The following ZNF706 variants were observed in gnomAD, a reference collection of about 807,000 sequenced individuals.
ZNF706 encodes transcriptional regulator ZNF706.
In ZNF706, 4 loss-of-function variants were observed where a neutral mutation model predicts 9.2. The observed-to-expected ratio is 0.43, with a 90% confidence interval of 0.21 to 0.99. The LOEUF is 0.99. Among genes scored for constraint, ZNF706 ranks in the 50% least tolerant of loss-of-function variants. The probability of loss-of-function intolerance (pLI) is 0.26; values close to 1 mark genes in which losing one functional copy is unlikely to be tolerated. For synonymous variants in ZNF706, 28 were observed against 27.3 expected (o/e 1.03, Z -0.08); for missense variants, 27 against 87.8 (o/e 0.31, Z 2.77).
chr8:101,201,836 T>C lies in ZNF706; in HGVS notation c.-2-93A>G. 7.6e-7 allele frequency: 1 copy of C among 1,324,448 alleles called. No individual in the cohort carries two copies. Among genetic ancestry groups the C allele is most frequent in the Non-Finnish European group, 1.0e-6 (1 of 967,108 alleles). 82.0% of individuals were successfully genotyped at this position (1,324,448 alleles called of 1,614,324 possible). A position where few individuals can be genotyped will look rare whatever the true frequency, so the allele number is the denominator to read the frequency against. On this transcript the variant is annotated intron_variant, in intron 1 of 3. Coordinates refer to ENST00000311212, the MANE Select transcript of ZNF706 (RefSeq NM_016096.5). The surrounding 1 kb of genome is among the most constrained non-coding windows in gnomAD (Gnocchi z 4.5). ...ACGTTCTTAGAATTGAAGCCTTAAG[T>C]TTTATAGAAATATCTGGCAAATAAA... is the stretch of plus-strand genomic sequence containing the variant.
upstream of ZNF706, chr8:101,206,109 G>T (rs1810764387): frequency 6.6e-6 from 1 of 152,250 alleles, no homozygotes; most frequent in African/African-American, 2.4e-5. Context: ...CGACTGAGGC[G>T]CTGGCCCGGG....
rs193052064 is a variant in ZNF706, at chr8:101,199,967, C to A, written c.*12+23G>T. On this transcript the variant is annotated intron_variant, in intron 3 of 3. Coordinates refer to ENST00000311212, the MANE Select transcript of ZNF706 (RefSeq NM_016096.5). ...GTATACAACCCTGTTATTAACAAAC[C>A]AATAGAAAAAGAGGTGAGTTACCTG... is the stretch of plus-strand genomic sequence containing the variant. The A allele has an allele frequency of 3.6e-5, 56 of 1,537,650 alleles. No homozygotes were observed. The African/African-American group carries it at 6.1e-4, about 17-fold the overall frequency.
chr8:101,204,949 G>A, intron 1 of ZNF706: 2 of 985,466 alleles, frequency 2.0e-6, no homozygotes, highest in Non-Finnish European at 2.4e-6. Flanking sequence ...CGCACCCACA[G>A]TGAGGTCTCC....
intron 2 of ZNF706, chr8:101,200,908 T>C: frequency 5.1e-6 from 1 of 195,730 alleles, no homozygotes; most frequent in South Asian, 6.7e-5. Flanking sequence ...GGGTGGACTC[T>C]GGAGCTGAAC....
rs1413982688 is a variant in ZNF706, at chr8:101,203,764, C to G, written c.-3+1671G>C. On this transcript the variant is annotated intron_variant, in intron 1 of 3. Transcript: ENST00000311212. ...TCCCACCAAACAATGGTAAATATTACCAGCTGTTATCAGTCCTTGAAGACT... is the reference window on the plus strand; with the variant it reads ...TCCCACCAAACAATGGTAAATATTAGCAGCTGTTATCAGTCCTTGAAGACT... 2.0e-5 allele frequency: 3 copies of G among 152,260 alleles called. No individual in the cohort carries two copies. The East Asian group carries it at 5.8e-4, about 29-fold the overall frequency. 9.4% of individuals were successfully genotyped at this position (152,260 alleles called of 1,614,324 possible). A position where few individuals can be genotyped will look rare whatever the true frequency, so the allele number is the denominator to read the frequency against.
intron 1 of ZNF706, chr8:101,202,601 G>T (rs2129900111): frequency 1.3e-5 from 2 of 152,276 alleles, no homozygotes; most frequent in Middle Eastern, 3.4e-3. Flanking sequence ...AGTGAAAGGG[G>T]TCACCTTGGG....
Position 101,201,790 on chromosome 8 carries a change from C to T in ZNF706, c.-2-47G>A, listed in dbSNP as rs192451508. On this transcript the variant is annotated intron_variant, in intron 1 of 3. Transcript: ENST00000311212. This position sits in a 1 kb window ranked among gnomAD's most constrained non-coding sequence, Gnocchi z 4.5. Reference sequence around the variant, plus strand: ...TTAGAGTGGCTTATTTACTCTAATACAGAGTAATCAAAGCATAAGAACGTT... The same window carrying T: ...TTAGAGTGGCTTATTTACTCTAATATAGAGTAATCAAAGCATAAGAACGTT... 8 of 1,573,116 alleles carry T rather than the reference C, an allele frequency of 5.1e-6. No individual in the cohort carries two copies. The East Asian group carries it at 1.6e-4, about 31-fold the overall frequency.
intron 1 of ZNF706, chr8:101,204,131 A>C (rs535522008): frequency 1.3e-5 from 2 of 152,350 alleles, no homozygotes; most frequent in Admixed American, 6.5e-5. Flanking sequence ...AAAAATCTTC[A>C]AAAATGGTAA....
Position 101,201,430 on chromosome 8 carries a change from G to A in ZNF706, c.135+177C>T, listed in dbSNP as rs912443059. On this transcript the variant is annotated intron_variant, in intron 2 of 3. Coordinates refer to ENST00000311212, the MANE Select transcript of ZNF706 (RefSeq NM_016096.5). The surrounding 1 kb of genome is among the most constrained non-coding windows in gnomAD (Gnocchi z 4.5). ...CCTAGAGATTTTTGCCTGGCCACAG[G>A]AGCCATTCAAAAAATATTTGTTTAA... 78 of 602,800 alleles carry A rather than the reference G, an allele frequency of 1.3e-4. No homozygotes were observed. In the Middle Eastern group the frequency reaches 1.8e-3, roughly 14 times the overall value. 37.3% of individuals were successfully genotyped at this position (602,800 alleles called of 1,614,324 possible). A position where few individuals can be genotyped will look rare whatever the true frequency, so the allele number is the denominator to read the frequency against.
chr8:101,203,725 T>C (rs1363501045), intron 1 of ZNF706: 1 of 152,216 alleles, frequency 6.6e-6, no homozygotes, highest in Non-Finnish European at 1.5e-5. Context: ...GCTAGCCTAA[T>C]ATGAGAACCC....
rs1810465693 is a variant in ZNF706, at chr8:101,199,075, T to G, written c.*177A>C. Reference sequence around the variant, plus strand: ...TTCCAAATCAGAGTCAACTGTACATTTACACAGAATTGTCTTTGCATGAAG... The same window carrying G: ...TTCCAAATCAGAGTCAACTGTACATGTACACAGAATTGTCTTTGCATGAAG... On this transcript the variant is annotated 3_prime_UTR_variant, in exon 4 of 4. Coordinates refer to ENST00000311212, the MANE Select transcript of ZNF706 (RefSeq NM_016096.5). 1 of 501,522 alleles carries G rather than the reference T, an allele frequency of 2.0e-6. No homozygotes were observed. The highest frequency in any genetic ancestry group is 3.6e-6 in the Non-Finnish European group (1 of 281,522). 31.1% of individuals were successfully genotyped at this position (501,522 alleles called of 1,614,324 possible). A position where few individuals can be genotyped will look rare whatever the true frequency, so the allele number is the denominator to read the frequency against.
chr8:101,201,888 T>C lies in ZNF706; in HGVS notation c.-2-145A>G. 1 of 860,150 alleles carries C rather than the reference T, an allele frequency of 1.2e-6. No individual in the cohort carries two copies. 53.3% of individuals were successfully genotyped at this position (860,150 alleles called of 1,614,324 possible). On this transcript the variant is annotated intron_variant, in intron 1 of 3. Transcript: ENST00000311212. The surrounding 1 kb of genome is among the most constrained non-coding windows in gnomAD (Gnocchi z 4.5). ...ATTTATAGGTATTAAAATTCCCACA[T>C]ATAAATGCTACAAAAGTATCAATTG...
chr8:101,206,053 T>C (rs941484920), upstream of ZNF706: 1 of 151,420 alleles, frequency 6.6e-6, no homozygotes, highest in African/African-American at 2.4e-5. Context: ...CTTTTCCCGC[T>C]CCTCCCAGGC....
chr8:101,199,927 G>C, intron 3 of ZNF706, 63 bp downstream of exon 3: 1 of 1,064,750 alleles, frequency 9.4e-7, no homozygotes, highest in Non-Finnish European at 1.4e-6. Context: ...AATAAGTGAA[G>C]ACAGTTTTGG....
chr8:101,205,036 C>T lies in ZNF706; in HGVS notation c.-3+399G>A. On this transcript the variant is annotated intron_variant, in intron 1 of 3. Coordinates refer to ENST00000311212, the MANE Select transcript of ZNF706 (RefSeq NM_016096.5). This position sits in a 1 kb window ranked among gnomAD's most constrained non-coding sequence, Gnocchi z 6.6. ...ACCCGCCTCTCCCGCCTCGGAGACC[C>T]CCTCCTCCTCCCTGCCACCAAAGGC... is the stretch of plus-strand genomic sequence containing the variant. 1.4e-6 allele frequency: 1 copy of T among 718,804 alleles called. No homozygotes were observed. The highest frequency in any genetic ancestry group is 1.3e-4 in the East Asian group (1 of 7,534). 44.5% of individuals were successfully genotyped at this position (718,804 alleles called of 1,614,324 possible).
chr8:101,201,428 A>G lies in ZNF706; in HGVS notation c.135+179T>C, dbSNP rs1420548874. ...CACCTAGAGATTTTTGCCTGGCCAC[A>G]GGAGCCATTCAAAAAATATTTGTTT... On this transcript the variant is annotated intron_variant, in intron 2 of 3. Transcript: ENST00000311212. The surrounding 1 kb of genome is among the most constrained non-coding windows in gnomAD (Gnocchi z 4.5). The G allele has an allele frequency of 6.6e-6, 4 of 603,734 alleles. No individual in the cohort carries two copies. The highest frequency in any genetic ancestry group is 1.1e-5 in the Non-Finnish European group (4 of 363,978). The allele number at this position is 603,734 out of a possible 1,614,324, so 37.4% of individuals were successfully genotyped here.
At position 101,200,003 on chromosome 8, in the gene ZNF706, T is replaced by C; in HGVS notation, c.230A>G (p.Ter77=). The change falls in exon 3 of 4, where the codon TAA becomes TGA. Residue 77 remains the stop codon, a stop_retained_variant. Transcript: ENST00000311212. ...LPPELADVQA[*] ...GAGGTGAGTTACCTGTAAACAACCTTATGCCTGAACATCAGCTAATTCTGG... is the reference window on the plus strand; with the variant it reads ...GAGGTGAGTTACCTGTAAACAACCTCATGCCTGAACATCAGCTAATTCTGG... 3 of 1,611,140 alleles carry C rather than the reference T, an allele frequency of 1.9e-6. No homozygotes were observed. The highest frequency in any genetic ancestry group is 2.5e-6 in the Non-Finnish European group (3 of 1,179,074).
intron 1 of ZNF706, chr8:101,204,233 AC>A (rs1810669505): frequency 6.6e-6 from 1 of 152,218 alleles, no homozygotes; most frequent in African/African-American, 2.4e-5. Context: ...ATGTCATTAG[AC>A]ACACAAAATT....
chr8:101,204,739 G>T (rs1810689696), intron 1 of ZNF706: 2 of 985,280 alleles, frequency 2.0e-6, no homozygotes, highest in African/African-American at 1.7e-5. Flanking sequence ...AAAATGAGGC[G>T]CTCTCGTAGG....
Sources: allele counts gnomAD v4.1 joint callset, GRCh38; gene constraint gnomAD v4.1.1; non-coding constraint Gnocchi (gnomAD v3.1); transcripts MANE v1.5; gene names NCBI Gene and HGNC (gene_info 2026-07-23, HGNC 2026-07-21).